Variants in HSPBP1 observed in about 807,000 individuals in gnomAD.
The protein encoded by HSPBP1 is HSPA (Hsp70) binding protein 1.
HSPBP1 carries 31 observed loss-of-function variants against 41.7 expected under a neutral mutation model. The observed-to-expected ratio is 0.74, with a 90% CI of 0.56 to 1.00. The LOEUF (loss-of-function observed/expected upper bound fraction) is 1.00, where lower values mean the gene tolerates loss of function less well. Among genes scored for constraint, HSPBP1 ranks in the 50% least tolerant of loss-of-function variants. The pLI, the probability that HSPBP1 is intolerant of heterozygous loss-of-function variation, is 0.00. For synonymous variants in HSPBP1, 199 were observed against 214.4 expected (o/e 0.93, Z 0.63); for missense variants, 439 against 487.9 (o/e 0.90, Z 0.94).
chr19:55,262,539 C>T lies in HSPBP1; in HGVS notation c.*69G>A. On this transcript the variant is annotated 3_prime_UTR_variant, in exon 8 of 8. Transcript: ENST00000433386. Reference sequence around the variant, plus strand: ...GCCCTGCGATCCCTTGGGAGAGGGCCTTGTAGGTGGGGAGGGAGGCAAGAG... The same window carrying T: ...GCCCTGCGATCCCTTGGGAGAGGGCTTTGTAGGTGGGGAGGGAGGCAAGAG... 1 of 1,592,142 alleles carries T rather than the reference C, an allele frequency of 6.3e-7. No homozygotes were observed. Among genetic ancestry groups the T allele is most frequent in the Non-Finnish European group, 8.6e-7 (1 of 1,169,184 alleles).
At chr19:55,273,922 GA>G (rs11408703) in intron 4 of HSPBP1, among the ~76,000 whole-genome samples, 18 of 148,068 alleles carry the variant, frequency 1.2e-4, no homozygotes, top group Admixed American at 4.0e-4. Context: ...TAGGTTAAAT[GA>G]AAAAAAAAAG....
chr19:55,262,655 GCAGCTTTTCACAGAACTC>G lies in HSPBP1; in HGVS notation c.1015_1032del (p.Glu339_Leu344del). 1 of 1,613,882 alleles carries G rather than the reference GCAGCTTTTCACAGAACTC, an allele frequency of 6.2e-7. No individual in the cohort carries two copies. The highest frequency in any genetic ancestry group is 1.3e-5 in the African/African-American group (1 of 75,062). ...GCTGGGCTGGAGAAACAGGTCTGTAGCAGCTTTTCACAGAACTCCAGCTCCTCCTGGATTGGGCAGGGG... is the reference window on the plus strand; with the variant it reads ...GCTGGGCTGGAGAAACAGGTCTGTAGCAGCTCCTCCTGGATTGGGCAGGGG... On this transcript the variant is annotated inframe_deletion, in exon 8 of 8. Transcript: ENST00000433386.
At position 55,270,247 on chromosome 19, in the gene HSPBP1, G is replaced by A. The variant is rs769103022; in HGVS notation, c.641-3961C>T. Among the ~76,000 whole-genome samples the A allele has an allele frequency of 2.0e-5, 3 of 152,210 alleles. No homozygotes were observed. Among genetic ancestry groups the A allele is most frequent in the Non-Finnish European group, 2.9e-5 (2 of 68,042 alleles). ...GTGCACAACTTTCGCTGGGGAAGCC[G>A]ACCACCACGTGGTGAGGCCGCTCAC... On this transcript the variant is annotated intron_variant, in intron 4 of 7. Coordinates refer to ENST00000433386, the MANE Select transcript of HSPBP1 (RefSeq NM_012267.5). This position sits in a 1 kb window ranked among gnomAD's most constrained non-coding sequence, Gnocchi z 5.4.
At chr19:55,276,680 C>T (rs1036669925) in intron 3 of HSPBP1, among the ~76,000 whole-genome samples, 5 of 152,070 alleles carry the variant, frequency 3.3e-5, no homozygotes, top group African/African-American at 1.2e-4. Context: ...CGTTAAAAGC[C>T]ATCCTGCGGA....
intron 4 of HSPBP1, among the ~76,000 whole-genome samples, chr19:55,271,682 T>G (rs1209651414): frequency 6.6e-6 from 1 of 152,148 alleles, no homozygotes; most frequent in Non-Finnish European, 1.5e-5. Context: ...TCAGGATACA[T>G]GGGGGTGAGG....
intron 4 of HSPBP1, 111 bp downstream of exon 4, chr19:55,274,287 C>T: frequency 9.6e-7 from 1 of 1,047,052 alleles, no homozygotes; most frequent in Non-Finnish European, 1.4e-6. Context: ...AGCATGGGAA[C>T]AAACGAGGGA....
chr19:55,270,725 G>A lies in HSPBP1; in HGVS notation c.640+3673C>T, dbSNP rs1185339524. On this transcript the variant is annotated intron_variant, in intron 4 of 7. Coordinates refer to ENST00000433386, the MANE Select transcript of HSPBP1 (RefSeq NM_012267.5). The surrounding 1 kb of genome is among the most constrained non-coding windows in gnomAD (Gnocchi z 5.4). ...CACATAAGCACACACCACACACCCC[G>A]TATACACACACCACATCCACACATC... 1.4e-5 allele frequency among the ~76,000 whole-genome samples: 2 copies of A among 147,440 alleles called. No individual in the cohort carries two copies. Among genetic ancestry groups the A allele is most frequent in the Non-Finnish European group, 3.0e-5 (2 of 66,824 alleles).
At chr19:55,267,892 A>G (rs1246913722) in intron 4 of HSPBP1, among the ~76,000 whole-genome samples, 1 of 152,198 alleles carries the variant, frequency 6.6e-6, no homozygotes, top group African/African-American at 2.4e-5. Context: ...GGCAATGAGA[A>G]CTCTGGAAGG....
Position 55,270,032 on chromosome 19 carries a change from T to G in HSPBP1, c.641-3746A>C, listed in dbSNP as rs548332804. On this transcript the variant is annotated intron_variant, in intron 4 of 7. Coordinates refer to ENST00000433386, the MANE Select transcript of HSPBP1 (RefSeq NM_012267.5). The surrounding 1 kb of genome is among the most constrained non-coding windows in gnomAD (Gnocchi z 5.4). The stretch of plus-strand genomic sequence containing the variant: ...TCGGGCAGCAGGAGCTGAGGGGACG[T>G]ACCCTGCAAATGGCTCCCAGCACGG... Among the ~76,000 whole-genome samples the G allele has an allele frequency of 6.6e-6, 1 of 152,240 alleles. No homozygotes were observed. Among genetic ancestry groups the G allele is most frequent in the East Asian group, 1.9e-4 (1 of 5,186 alleles).
Position 55,272,087 on chromosome 19 carries a change from A to T in HSPBP1, c.640+2311T>A, listed in dbSNP as rs1157139572. The stretch of plus-strand genomic sequence containing the variant: ...AAGAAACAAAAAAAGAAAAAAAAAA[A>T]AGCCAACCTCGAACAGATTAAATGT... On this transcript the variant is annotated intron_variant, in intron 4 of 7. Coordinates refer to ENST00000433386, the MANE Select transcript of HSPBP1 (RefSeq NM_012267.5). The surrounding 1 kb of genome is among the most constrained non-coding windows in gnomAD (Gnocchi z 4.2). 6.6e-6 allele frequency among the ~76,000 whole-genome samples: 1 copy of T among 152,036 alleles called. No individual in the cohort carries two copies. The highest frequency in any genetic ancestry group is 1.5e-5 in the Non-Finnish European group (1 of 67,988).
chr19:55,274,345 G>GGCCCCCCCCCCCC, intron 4 of HSPBP1, 53 bp downstream of exon 4: 2 of 552,678 alleles, frequency 3.6e-6, no homozygotes, highest in Non-Finnish European at 6.2e-6. Context: ...GGCCCACCCG[G>GGCCCCCCCCCCCC]CACCCCCCCC....
chr19:55,264,071 G>T (rs541665346), intron 7 of HSPBP1, among the ~76,000 whole-genome samples: 1 of 151,130 alleles, frequency 6.6e-6, no homozygotes, highest in South Asian at 2.1e-4. Context: ...CGGTTCAAGC[G>T]ATTCTCCTGC....
At position 55,265,036 on chromosome 19, in the gene HSPBP1, C is replaced by T. The variant is rs578112559; in HGVS notation, c.1005+242G>A. Reference sequence around the variant, plus strand: ...CCAACTCACCTGGTCCTTCTGGAGCCGCTGTCCCCTCCCCCGGCACACGAT... The same window carrying T: ...CCAACTCACCTGGTCCTTCTGGAGCTGCTGTCCCCTCCCCCGGCACACGAT... On this transcript the variant is annotated intron_variant, in intron 7 of 7. Transcript: ENST00000433386. 4.6e-4 allele frequency among the ~76,000 whole-genome samples: 69 copies of T among 150,922 alleles called. 1 individual carries two copies. The South Asian group carries it at 0.01, about 22-fold the overall frequency.
intron 2 of HSPBP1, among the ~76,000 whole-genome samples, chr19:55,278,550 T>G (rs1164360574): frequency 2.0e-5 from 3 of 152,094 alleles, no homozygotes; most frequent in Admixed American, 1.3e-4. Flanking sequence ...GATGAGAAAG[T>G]TGAGTCACAG....
chr19:55,266,056 T>TC, intron 5 of HSPBP1, 74 bp from the exon 6 acceptor site: 8 of 1,560,510 alleles, frequency 5.1e-6, no homozygotes, highest in Non-Finnish European at 7.0e-6. Context: ...TGCCTGTTCC[T>TC]CCCCTTCTCC....
At chr19:55,265,533 A>T (rs1381797845) in intron 6 of HSPBP1, 144 bp from the exon 7 acceptor site, 1 of 712,932 alleles carries the variant, frequency 1.4e-6, no homozygotes, top group Non-Finnish European at 2.5e-6. Context: ...CCATCTGCGG[A>T]ATGGACCTCA....
At chr19:55,274,955 C>T (rs1048002323) in intron 3 of HSPBP1, among the ~76,000 whole-genome samples, 3 of 152,186 alleles carry the variant, frequency 2.0e-5, no homozygotes, top group African/African-American at 7.2e-5. Flanking sequence ...AAACTTCTAG[C>T]CTCCAGAGCC....
intron 4 of HSPBP1, 21 bp from the exon 5 acceptor site, chr19:55,266,307 C>A (rs1295300636): frequency 6.4e-7 from 1 of 1,554,222 alleles, no homozygotes; most frequent in South Asian, 1.2e-5. Flanking sequence ...GGGAAAGGTC[C>A]TGAGCTTGCA....
intron 3 of HSPBP1, among the ~76,000 whole-genome samples, chr19:55,275,118 C>G (rs188088923): frequency 4.6e-5 from 7 of 152,186 alleles, no homozygotes; most frequent in Admixed American, 4.6e-4. Context: ...AGAGGTCCCC[C>G]CAAGGCTAGT....
Sources: allele counts gnomAD v4.1 joint callset (sites outside exome capture counted in the v4.1 genomes callset), GRCh38; gene constraint gnomAD v4.1.1; non-coding constraint Gnocchi (gnomAD v3.1); transcripts MANE v1.5; gene names NCBI Gene and HGNC (gene_info 2026-07-23, HGNC 2026-07-21).